The following SDK1 variants were observed in gnomAD, a reference collection of about 807,000 sequenced individuals.
SDK1 encodes the protein sidekick cell adhesion molecule 1.
Under a neutral mutation model 245.5 loss-of-function variants are expected in SDK1, and 157 were observed. The ratio of observed to expected loss-of-function variants is 0.64; its 90% confidence interval spans 0.56 to 0.73. The LOEUF (loss-of-function observed/expected upper bound fraction) is 0.73. Ranked by LOEUF, SDK1 falls within the 30% of genes least tolerant of loss-of-function variation. The probability of loss-of-function intolerance (pLI) is 0.00; values close to 1 mark genes in which losing one functional copy is unlikely to be tolerated. For synonymous variants in SDK1, 1,647 were observed against 1,278.5 expected, an observed-to-expected ratio of 1.29 and a Z score of -6.15; for missense variants, 3,583 against 3,002.3, an observed-to-expected ratio of 1.19 and a Z score of -4.52.
chr7:3,459,185 A>T (rs926194366), intron 1 of SDK1, among the ~76,000 whole-genome samples: 1 of 152,206 alleles, frequency 6.6e-6, no homozygotes, highest in African/African-American at 2.4e-5. Flanking sequence ...CTGAAATTGC[A>T]TGAGAAGTTT....
intron 44 of SDK1, among the ~76,000 whole-genome samples, chr7:4,248,301 T>A (rs940215186): frequency 4.6e-5 from 7 of 151,086 alleles, no homozygotes; most frequent in African/African-American, 1.7e-4. Context: ...CACATATCTA[T>A]ACATACACAC....
chr7:3,666,533 C>T (rs996744333), intron 4 of SDK1, among the ~76,000 whole-genome samples: 2 of 152,184 alleles, frequency 1.3e-5, no homozygotes, highest in East Asian at 3.9e-4. Context: ...TCTGGCGACA[C>T]CTCTCCCTGT....
At chr7:3,336,027 C>T (rs1026140185) in intron 1 of SDK1, among the ~76,000 whole-genome samples, 2 of 152,152 alleles carry the variant, frequency 1.3e-5, no homozygotes, top group African/African-American at 4.8e-5. Context: ...GTACAGGGCA[C>T]TGCAGAAGCC....
chr7:4,148,044 C>G (rs1780101791), intron 29 of SDK1, among the ~76,000 whole-genome samples: 1 of 152,002 alleles, frequency 6.6e-6, no homozygotes, highest in African/African-American at 2.4e-5. Context: ...CCATTGGGGC[C>G]CCCATCCTCC....
intron 1 of SDK1, among the ~76,000 whole-genome samples, chr7:3,582,950 G>A (rs1027517995): frequency 6.6e-6 from 1 of 152,122 alleles, no homozygotes; most frequent in Admixed American, 6.5e-5. Context: ...CCAAGCAATC[G>A]TATAGGTAAT....
At chr7:3,426,348 AG>A (rs1562479671) in intron 1 of SDK1, among the ~76,000 whole-genome samples, 1 of 152,212 alleles carries the variant, frequency 6.6e-6, no homozygotes, top group African/African-American at 2.4e-5. Flanking sequence ...CTGGATGGGC[AG>A]GGTGAGAGTG....
At chr7:3,375,874 G>A (rs1357601584) in intron 1 of SDK1, among the ~76,000 whole-genome samples, 2 of 152,196 alleles carry the variant, frequency 1.3e-5, no homozygotes, top group African/African-American at 4.8e-5. Context: ...CACAGAAATG[G>A]TGTGAGAAAA....
chr7:4,019,517 A>G (rs964944204), intron 17 of SDK1, among the ~76,000 whole-genome samples: 3 of 152,168 alleles, frequency 2.0e-5, no homozygotes, highest in East Asian at 1.9e-4. Context: ...GGAAATTACT[A>G]AATTATGCAT....
chr7:3,910,005 G>A (rs1779108846), intron 5 of SDK1, among the ~76,000 whole-genome samples: 2 of 152,264 alleles, frequency 1.3e-5, no homozygotes, highest in East Asian at 1.9e-4. Context: ...GATAATAAAA[G>A]CGCTCATGGA....
intron 5 of SDK1, among the ~76,000 whole-genome samples, chr7:3,875,383 T>A (rs897354213): frequency 6.6e-6 from 1 of 152,214 alleles, no homozygotes; most frequent in Non-Finnish European, 1.5e-5. Context: ...ACCTTTTAAG[T>A]CACTCTCAGA....
At chr7:4,208,982 T>G (rs969896917) in intron 37 of SDK1, among the ~76,000 whole-genome samples, 2 of 152,202 alleles carry the variant, frequency 1.3e-5, no homozygotes, top group African/African-American at 4.8e-5. Context: ...TCTGAGAGAC[T>G]GGGAGAGTGA....
At chr7:3,616,194 G>A (rs1201505230) in intron 1 of SDK1, among the ~76,000 whole-genome samples, 2 of 152,146 alleles carry the variant, frequency 1.3e-5, no homozygotes, top group Non-Finnish European at 2.9e-5. Context: ...CTGTCCTTTT[G>A]TAGTAAGAGC....
rs73303052 is a variant in SDK1 at position 3,527,757 on chromosome 7, G to A, written c.299-91323G>A. Reference sequence around the variant, plus strand: ...AGGTAAGGTTGGATGATAGCTAGGGGGTGAGTAGTGGTAGGTGAGGTTGGA... The same window carrying A: ...AGGTAAGGTTGGATGATAGCTAGGGAGTGAGTAGTGGTAGGTGAGGTTGGA... On this transcript the variant is annotated intron_variant, in intron 1 of 44. Transcript: ENST00000404826. Among the ~76,000 whole-genome samples the A allele has an allele frequency of 8.4e-3, 1,256 of 149,540 alleles. 22 individuals are homozygous for A. The highest frequency in any genetic ancestry group is 0.029 in the African/African-American group (1,166 of 40,470).
chr7:3,803,473 A>T (rs1779163109), intron 4 of SDK1, among the ~76,000 whole-genome samples: 1 of 150,712 alleles, frequency 6.6e-6, no homozygotes, highest in African/African-American at 2.4e-5. Flanking sequence ...ACTGTGCCTG[A>T]TTAATTTTTG....
intron 1 of SDK1, among the ~76,000 whole-genome samples, chr7:3,446,657 T>C (rs1780350850): frequency 1.3e-5 from 2 of 152,192 alleles, no homozygotes; most frequent in Admixed American, 1.3e-4. Context: ...TAGAATAAGT[T>C]AATAATAATT....
intron 1 of SDK1, among the ~76,000 whole-genome samples, chr7:3,483,392 TG>T (rs1781577889): frequency 6.6e-6 from 1 of 152,200 alleles, no homozygotes; most frequent in African/African-American, 2.4e-5. Flanking sequence ...ATATTGAAGA[TG>T]TAAGAAGGCT....
At chr7:4,077,780 C>G (rs1458845247) in intron 21 of SDK1, among the ~76,000 whole-genome samples, 2 of 152,130 alleles carry the variant, frequency 1.3e-5, no homozygotes, top group East Asian at 1.9e-4. Flanking sequence ...AAGACCTGCC[C>G]CCATGATTCA....
At chr7:3,916,636 T>C (rs1779391163) in intron 5 of SDK1, among the ~76,000 whole-genome samples, 1 of 152,248 alleles carries the variant, frequency 6.6e-6, no homozygotes, top group Admixed American at 6.5e-5. Flanking sequence ...TCTGTTTGCC[T>C]GTACTTTGCC....
chr7:3,633,174 C>A (rs972295819), intron 2 of SDK1, among the ~76,000 whole-genome samples: 2 of 151,920 alleles, frequency 1.3e-5, no homozygotes, highest in Admixed American at 6.6e-5. Flanking sequence ...TAGATATTTT[C>A]ATACCAGCAT....
Sources: gnomAD v4.1 joint callset for allele counts (sites outside exome capture counted in the v4.1 genomes callset) on GRCh38, gnomAD v4.1.1 for gene constraint, MANE v1.5 for transcripts, NCBI Gene and HGNC (gene_info 2026-07-23, HGNC 2026-07-21) for gene names.